IQCH: variants seen among roughly 807,000 people sequenced by gnomAD.
IQCH encodes IQ motif containing H.
In IQCH, 98 loss-of-function variants were observed where a neutral mutation model predicts 117.0. The observed-to-expected ratio is 0.84, with a 90% CI of 0.71 to 0.99. The LOEUF is 0.99. IQCH is among the 50% of genes least tolerant of loss of function. The pLI, the probability that IQCH is intolerant of heterozygous loss-of-function variation, is 0.00. For synonymous variants in IQCH, 412 were observed against 448.2 expected, an observed-to-expected ratio of 0.92 and a Z score of 1.02; for missense variants, 1,102 against 1,243.8, an observed-to-expected ratio of 0.89 and a Z score of 1.72.
intron 10 of IQCH, among the ~76,000 whole-genome samples, chr15:67,379,990 T>C (rs1970870348): frequency 6.6e-6 from 1 of 152,098 alleles, no homozygotes; most frequent in African/African-American, 2.4e-5. Flanking sequence ...GTAGCTGAAA[T>C]TACAGGCATG....
At position 67,307,314 on chromosome 15, in the gene IQCH, C is replaced by T. The variant is rs529151322; in HGVS notation, c.387+27802C>T. ...GTCATATGTTATGCAGTGTTTTCCA[C>T]TAACTTAGTTGGGTAGCAACCACAC... On this transcript the variant is annotated intron_variant, in intron 4 of 20. Transcript: ENST00000335894. 10 of 314,412 alleles carry T rather than the reference C, an allele frequency of 3.2e-5. No individual in the cohort carries two copies. The East Asian group carries it at 1.5e-3, about 48-fold the overall frequency. 19.5% of individuals were successfully genotyped at this position (314,412 alleles called of 1,614,324 possible).
rs527672120 is a variant in IQCH at position 67,266,432 on chromosome 15, G to A, written c.269+3216G>A. On this transcript the variant is annotated intron_variant, in intron 3 of 20. Transcript: ENST00000335894. ...AGCATTTTGGGAGGCCAAGGCGGGCGGATCACGAGGTCAGGAGATCAAGAC... is the reference window on the plus strand; with the variant it reads ...AGCATTTTGGGAGGCCAAGGCGGGCAGATCACGAGGTCAGGAGATCAAGAC... 6.6e-5 allele frequency among the ~76,000 whole-genome samples: 10 copies of A among 152,128 alleles called. No individual in the cohort carries two copies. In the East Asian group the frequency reaches 1.4e-3, roughly 21 times the overall value.
chr15:67,268,247 A>G (rs1175005441), intron 3 of IQCH, among the ~76,000 whole-genome samples: 1 of 152,232 alleles, frequency 6.6e-6, no homozygotes, highest in Non-Finnish European at 1.5e-5. Flanking sequence ...CAAAGTGGTG[A>G]TAACGAATGC....
At chr15:67,268,259 A>G (rs756980259) in intron 3 of IQCH, among the ~76,000 whole-genome samples, 1 of 152,238 alleles carries the variant, frequency 6.6e-6, no homozygotes, top group South Asian at 2.1e-4. Flanking sequence ...AACGAATGCC[A>G]GCAAATGCAA....
At chr15:67,485,944 A>G (rs2141075999) in intron 18 of IQCH, among the ~76,000 whole-genome samples, 1 of 151,836 alleles carries the variant, frequency 6.6e-6, no homozygotes, top group East Asian at 1.9e-4. Flanking sequence ...GGCATGAGCC[A>G]CTGCGCCCGA....
rs1820648292 is a variant in IQCH at position 67,381,127 on chromosome 15, T to C, written c.1373-3809T>C. On this transcript the variant is annotated intron_variant, in intron 10 of 20. Coordinates refer to ENST00000335894, the MANE Select transcript of IQCH (RefSeq NM_001031715.3). The surrounding 1 kb of genome is among the most constrained non-coding windows in gnomAD (Gnocchi z 5.1). The stretch of plus-strand genomic sequence containing the variant: ...ACTCAGTGTGGCCTTGCTCATGTTC[T>C]TGGGTTTCTGTGGTTACTGTGAAAG... Among the ~76,000 whole-genome samples, 1 of 152,218 alleles carries C rather than the reference T, an allele frequency of 6.6e-6. No individual in the cohort carries two copies. The highest frequency in any genetic ancestry group is 2.1e-4 in the South Asian group (1 of 4,830).
At chr15:67,285,496 T>C (rs1966526964) in intron 4 of IQCH, among the ~76,000 whole-genome samples, 1 of 152,172 alleles carries the variant, frequency 6.6e-6, no homozygotes, top group Admixed American at 6.5e-5. Context: ...TTACAGTTGC[T>C]TTTGGCATCT....
intron 10 of IQCH, among the ~76,000 whole-genome samples, chr15:67,377,115 C>CAAAAAA (rs5813442): frequency 1.2e-5 from 1 of 82,040 alleles, no homozygotes; most frequent in Non-Finnish European, 2.4e-5. Flanking sequence ...GACTCCATCT[C>CAAAAAA]AAAAAAAAAA....
At position 67,479,318 on chromosome 15, in the gene IQCH, G is replaced by A. The variant is rs2083287563; in HGVS notation, c.2799+3500G>A. ...CATTTTCCCAGGGTCATACAGCCAGGAATTTTGTGGAACTGACATTTGAAC... is the reference window on the plus strand; with the variant it reads ...CATTTTCCCAGGGTCATACAGCCAGAAATTTTGTGGAACTGACATTTGAAC... On this transcript the variant is annotated intron_variant, in intron 18 of 20. Coordinates refer to ENST00000335894, the MANE Select transcript of IQCH (RefSeq NM_001031715.3). The surrounding 1 kb of genome is among the most constrained non-coding windows in gnomAD (Gnocchi z 4.6). 6.6e-6 allele frequency among the ~76,000 whole-genome samples: 1 copy of A among 152,198 alleles called. No homozygotes were observed. The highest frequency in any genetic ancestry group is 2.4e-5 in the African/African-American group (1 of 41,450).
chr15:67,401,936 T>G lies in IQCH; in HGVS notation c.2097+1631T>G, dbSNP rs917555508. Among the ~76,000 whole-genome samples, 3 of 152,190 alleles carry G rather than the reference T, an allele frequency of 2.0e-5. No homozygotes were observed. The highest frequency in any genetic ancestry group is 6.5e-5 in the Admixed American group (1 of 15,280). On this transcript the variant is annotated intron_variant, in intron 14 of 20. Transcript: ENST00000335894. This position sits in a 1 kb window ranked among gnomAD's most constrained non-coding sequence, Gnocchi z 4.7. Reference sequence around the variant, plus strand: ...AACCATAAAAATATGGTTTTTTAATTTAAAACATTGAAGTGTTAATGTGCA... The same window carrying G: ...AACCATAAAAATATGGTTTTTTAATGTAAAACATTGAAGTGTTAATGTGCA...
chr15:67,268,697 A>G (rs958870737), intron 3 of IQCH, among the ~76,000 whole-genome samples: 5 of 152,072 alleles, frequency 3.3e-5, no homozygotes, highest in African/African-American at 1.2e-4. Context: ...TTGTCATTCA[A>G]TTATTGAAAC....
At chr15:67,452,845 A>G (rs11630463) in intron 16 of IQCH, among the ~76,000 whole-genome samples, 21,113 of 152,022 alleles carry the variant, frequency 0.14, 1,513 homozygotes, top group East Asian at 0.21. Flanking sequence ...CATTCTCCCC[A>G]TCACTTTCAG....
At chr15:67,402,157 C>G (rs1176493291) in intron 14 of IQCH, among the ~76,000 whole-genome samples, 1 of 152,072 alleles carries the variant, frequency 6.6e-6, no homozygotes, top group African/African-American at 2.4e-5. Context: ...TAATTGGCAC[C>G]AAATACATTT....
intron 16 of IQCH, among the ~76,000 whole-genome samples, chr15:67,450,641 A>G (rs1229521519): frequency 6.6e-6 from 1 of 151,962 alleles, no homozygotes; most frequent in East Asian, 1.9e-4. Context: ...TTTATTGAGG[A>G]TTTTTGCATC....
chr15:67,338,673 A>T (rs1416304422), intron 5 of IQCH, among the ~76,000 whole-genome samples: 1 of 152,178 alleles, frequency 6.6e-6, no homozygotes. Context: ...ACCTGGCTAA[A>T]TCCAAAAAAG....
At position 67,465,247 on chromosome 15, in the gene IQCH, GTTCCA is replaced by G. The variant is rs765610058; in HGVS notation, c.2627_2631del (p.Val876GlufsTer47). 6 of 1,613,982 alleles carry G rather than the reference GTTCCA, an allele frequency of 3.7e-6. No homozygotes were observed. The South Asian group carries it at 4.4e-5, about 12-fold the overall frequency. ...GAGCACCCTGGAAGTGCCCCGCTTT[GTTCCA>G]AAGGAAAGGAAGAAAACCAAATGCA... On this transcript the variant is annotated frameshift_variant, in exon 17 of 21. Coordinates refer to ENST00000335894, the MANE Select transcript of IQCH (RefSeq NM_001031715.3). LOFTEE classifies it high-confidence loss of function. This position sits in a 1 kb window ranked among gnomAD's most constrained non-coding sequence, Gnocchi z 5.9.
chr15:67,377,612 G>A (rs1000604392), intron 10 of IQCH, among the ~76,000 whole-genome samples: 5 of 152,104 alleles, frequency 3.3e-5, no homozygotes, highest in Admixed American at 6.5e-5. Context: ...TTGGTGCTAC[G>A]TATAAACTCA....
At chr15:67,438,376 C>T (rs2082189675) in intron 16 of IQCH, among the ~76,000 whole-genome samples, 1 of 152,182 alleles carries the variant, frequency 6.6e-6, no homozygotes, top group African/African-American at 2.4e-5. Context: ...ACCACGCCAC[C>T]ACTACAAGAA....
Position 67,384,261 on chromosome 15 carries a change from C to T in IQCH, c.1373-675C>T, listed in dbSNP as rs1971035171. On this transcript the variant is annotated intron_variant, in intron 10 of 20. Coordinates refer to ENST00000335894, the MANE Select transcript of IQCH (RefSeq NM_001031715.3). The surrounding 1 kb of genome is among the most constrained non-coding windows in gnomAD (Gnocchi z 4.3). ...CCTGAAATATCAGCAGAAAGTATTTCCGCTGTTGTTTCTTTTGTGAGAGAT... is the reference window on the plus strand; with the variant it reads ...CCTGAAATATCAGCAGAAAGTATTTTCGCTGTTGTTTCTTTTGTGAGAGAT... 6.6e-6 allele frequency among the ~76,000 whole-genome samples: 1 copy of T among 151,816 alleles called. No individual in the cohort carries two copies. Among genetic ancestry groups the T allele is most frequent in the African/African-American group, 2.4e-5 (1 of 41,324 alleles).
Sources: gnomAD v4.1 joint callset for allele counts (sites outside exome capture counted in the v4.1 genomes callset) on GRCh38, gnomAD v4.1.1 for gene constraint, Gnocchi (gnomAD v3.1) non-coding constraint, MANE v1.5 for transcripts, NCBI Gene and HGNC (gene_info 2026-07-23, HGNC 2026-07-21) for gene names.